The following PROM1 variants were observed in gnomAD, a reference collection of about 807,000 sequenced individuals.
PROM1 encodes prominin 1, also known as prominin-1.
Under a neutral mutation model 116.9 loss-of-function variants are expected in PROM1, and 105 were observed. The observed-to-expected ratio is 0.90, with a 90% CI of 0.77 to 1.06. PROM1 has a LOEUF of 1.06. Among genes scored for constraint, PROM1 ranks in the 50% least tolerant of loss-of-function variants. The probability of loss-of-function intolerance (pLI) is 0.00; values close to 1 mark genes in which losing one functional copy is unlikely to be tolerated. For synonymous variants in PROM1, 393 were observed against 387.0 expected, an observed-to-expected ratio of 1.02 and a Z score of -0.18; for missense variants, 1,122 against 1,045.2, an observed-to-expected ratio of 1.07 and a Z score of -1.01.
chr4:16,017,499 G>A (rs1448828481), intron 9 of PROM1, among the ~76,000 whole-genome samples: 1 of 152,232 alleles, frequency 6.6e-6, no homozygotes, highest in African/African-American at 2.4e-5. Flanking sequence ...TAAGAAAAAT[G>A]TATCTATACT....
At chr4:16,001,810 T>C (rs954649930) in intron 13 of PROM1, among the ~76,000 whole-genome samples, 2 of 151,868 alleles carry the variant, frequency 1.3e-5, no homozygotes, top group African/African-American at 4.8e-5. Flanking sequence ...GAAGAGGCAG[T>C]GTGGGTAAAG....
chr4:15,982,290 C>T (rs1319902177), intron 23 of PROM1, among the ~76,000 whole-genome samples: 2 of 152,230 alleles, frequency 1.3e-5, no homozygotes, highest in Admixed American at 6.5e-5. Context: ...TTCTGCTTTG[C>T]TCCTGGCTGA....
At chr4:15,992,213 T>C in intron 17 of PROM1, 35 bp downstream of exon 17, 1 of 1,602,876 alleles carries the variant, frequency 6.2e-7, no homozygotes, top group Non-Finnish European at 8.5e-7. Context: ...CTTTAATTTC[T>C]CCTAAAGGAT....
intron 23 of PROM1, among the ~76,000 whole-genome samples, chr4:15,981,917 C>A (rs930973315): frequency 6.6e-6 from 1 of 152,166 alleles, no homozygotes; most frequent in East Asian, 1.9e-4. Context: ...CCCTTATTCC[C>A]ACAAAGCAAG....
At chr4:16,026,032 G>T (rs775767774) in intron 5 of PROM1, among the ~76,000 whole-genome samples, 1 of 152,204 alleles carries the variant, frequency 6.6e-6, no homozygotes, top group South Asian at 2.1e-4. Context: ...TACTCTGTTC[G>T]TGGGTGGATT....
chr4:15,996,401 T>A (rs1239907187), intron 15 of PROM1, among the ~76,000 whole-genome samples: 2 of 152,002 alleles, frequency 1.3e-5, no homozygotes, highest in African/African-American at 4.8e-5. Flanking sequence ...TCCCAGCTAC[T>A]CAGGAGGCTG....
chr4:16,055,993 A>G (rs535491856), intron 2 of PROM1, among the ~76,000 whole-genome samples: 99 of 152,306 alleles, frequency 6.5e-4, no homozygotes, highest in African/African-American at 2.3e-3. Flanking sequence ...CATATTCTCC[A>G]TGAAGAGTAA....
At chr4:16,061,318 A>G (rs1388340633) in intron 2 of PROM1, among the ~76,000 whole-genome samples, 1 of 152,236 alleles carries the variant, frequency 6.6e-6, no homozygotes, top group African/African-American at 2.4e-5. Context: ...CCCTGAGAGT[A>G]AGGGCTTCTT....
At chr4:16,021,469 A>C (rs914679580) in intron 8 of PROM1, among the ~76,000 whole-genome samples, 3 of 152,254 alleles carry the variant, frequency 2.0e-5, no homozygotes, top group African/African-American at 7.2e-5. Context: ...CATTGCAGTC[A>C]CATAATATAT....
chr4:15,984,747 G>A (rs1718898604), intron 22 of PROM1, among the ~76,000 whole-genome samples: 1 of 152,240 alleles, frequency 6.6e-6, no homozygotes, highest in Non-Finnish European at 1.5e-5. Context: ...TCTAATGCCT[G>A]ATGATCTGTC....
chr4:16,003,001 A>G (rs1032790707), intron 13 of PROM1, among the ~76,000 whole-genome samples: 1 of 152,230 alleles, frequency 6.6e-6, no homozygotes, highest in Non-Finnish European at 1.5e-5. Context: ...ATATGCGACA[A>G]AGACTGTGTA....
chr4:16,012,652 T>C, intron 11 of PROM1, among the ~76,000 whole-genome samples: 1 of 151,902 alleles, frequency 6.6e-6, no homozygotes, highest in Non-Finnish European at 1.5e-5. Flanking sequence ...AGGTAGATCA[T>C]GAGGTCAGGA....
chr4:16,066,095 C>A (rs1578287503), intron 2 of PROM1, among the ~76,000 whole-genome samples: 2 of 152,184 alleles, frequency 1.3e-5, no homozygotes, highest in African/African-American at 4.8e-5. Flanking sequence ...TGGAGCGTGG[C>A]CCTGCCCACA....
At chr4:16,004,805 A>ATCTTTCTTTCTTTCTTTCTTTCTTTCTT (rs147556972) in intron 13 of PROM1, among the ~76,000 whole-genome samples, 16 of 124,980 alleles carry the variant, frequency 1.3e-4, no homozygotes, top group Admixed American at 3.1e-4. Flanking sequence ...CTTGCAGCTA[A>ATCTTTCTTTCTTTCTTTCTTTCTTTCTT]TCTTTCTTTC....
At chr4:16,000,769 G>A in intron 13 of PROM1, 150 bp from the exon 14 acceptor site, 1 of 640,838 alleles carries the variant, frequency 1.6e-6, no homozygotes, top group Non-Finnish European at 2.3e-6. Context: ...GAGTGACACA[G>A]GGCTTGGGGA....
chr4:16,062,629 A>C (rs1471487195), intron 2 of PROM1, among the ~76,000 whole-genome samples: 1 of 152,242 alleles, frequency 6.6e-6, no homozygotes, highest in African/African-American at 2.4e-5. Flanking sequence ...AGTTTTTGCT[A>C]TACTTCAAAG....
chr4:15,999,847 G>GA (rs139791213), intron 14 of PROM1, among the ~76,000 whole-genome samples: 16,537 of 147,438 alleles, frequency 0.11, 994 homozygotes, highest in East Asian at 0.2. Flanking sequence ...AGAATCTGGA[G>GA]AAAAAAAAAA....
chr4:16,018,894 A>G (rs1037076242), intron 8 of PROM1, among the ~76,000 whole-genome samples: 1 of 152,224 alleles, frequency 6.6e-6, no homozygotes, highest in Non-Finnish European at 1.5e-5. Context: ...AGTCAATCCC[A>G]GCAGTGTAAA....
intron 8 of PROM1, among the ~76,000 whole-genome samples, 154 bp downstream of exon 8, chr4:16,023,172 G>A (rs1210750834): frequency 6.6e-6 from 1 of 152,120 alleles, no homozygotes; most frequent in Admixed American, 6.5e-5. Flanking sequence ...CCAAGCTATT[G>A]CAACACAGTG....
Sources: gnomAD v4.1 joint callset for allele counts (sites outside exome capture counted in the v4.1 genomes callset) on GRCh38, gnomAD v4.1.1 for gene constraint, MANE v1.5 for transcripts, NCBI Gene and HGNC (gene_info 2026-07-23, HGNC 2026-07-21) for gene names.